ARF6: variants seen among roughly 807,000 people sequenced by gnomAD.
The protein encoded by ARF6 is ARF GTPase 6.
For synonymous variants in ARF6, 127 were observed against 95.5 expected, an observed-to-expected ratio of 1.33 and a Z score of -1.92; for missense variants, 75 against 232.0, an observed-to-expected ratio of 0.32 and a Z score of 4.40.
In ARF6 at chr14:49,894,343, C is replaced by T; in HGVS notation, c.*79C>T. On this transcript the variant is annotated 3_prime_UTR_variant, in exon 2 of 2. Coordinates refer to ENST00000298316, the MANE Select transcript of ARF6 (RefSeq NM_001663.4). Reference sequence around the variant, plus strand: ...GGATTATCGCCACCATCACCTCTTTCAATTGCCACTTTCTCTTCTTTTGAA... The same window carrying T: ...GGATTATCGCCACCATCACCTCTTTTAATTGCCACTTTCTCTTCTTTTGAA... 2 of 1,367,704 alleles carry T rather than the reference C, an allele frequency of 1.5e-6. No individual in the cohort carries two copies. The highest frequency in any genetic ancestry group is 9.8e-7 in the Non-Finnish European group (1 of 1,016,170). The allele number at this position is 1,367,704 out of a possible 1,614,324, so 84.7% of individuals were successfully genotyped here.
In ARF6 at chr14:49,894,050, G is replaced by A. The variant is rs61755568; in HGVS notation, c.314G>A (p.Arg105His). The A allele has an allele frequency of 6.2e-7, 1 of 1,614,204 alleles. No homozygotes were observed. The highest frequency in any genetic ancestry group is 8.5e-7 in the Non-Finnish European group (1 of 1,180,038). The part of the protein sequence containing the change: ...RIDEARQELH[R>H]IINDREMRDA... ...GATGAGGCTCGCCAGGAGCTGCACC[G>A]CATTATCAATGACCGGGAGATGAGG... is the stretch of plus-strand genomic sequence containing the variant. The change falls in exon 2 of 2, where the codon CGC becomes CAC. Residue 105 changes from arginine to histidine, a missense_variant. Transcript: ENST00000298316.
chr14:49,896,806 A>G lies in ARF6; in HGVS notation c.*2542A>G, dbSNP rs1287871235. The G allele has an allele frequency of 6.0e-6, 1 of 167,114 alleles. No homozygotes were observed. The highest frequency in any genetic ancestry group is 1.5e-5 in the Non-Finnish European group (1 of 68,102). 10.4% of individuals were successfully genotyped at this position (167,114 alleles called of 1,614,324 possible). On this transcript the variant is annotated 3_prime_UTR_variant, in exon 2 of 2. Coordinates refer to ENST00000298316, the MANE Select transcript of ARF6 (RefSeq NM_001663.4). ...ACTGGAGCAGGTAATTATAGCCTGCAGAAAAAATTATCTAAGAATTTTAAA... is the reference window on the plus strand; with the variant it reads ...ACTGGAGCAGGTAATTATAGCCTGCGGAAAAAATTATCTAAGAATTTTAAA...
Position 49,893,988 on chromosome 14 carries a change from C to T in ARF6, c.252C>T (p.Leu84=), listed in dbSNP as rs61755566. 3.7e-6 allele frequency: 6 copies of T among 1,614,106 alleles called. No individual in the cohort carries two copies. Among genetic ancestry groups the T allele is most frequent in the Non-Finnish European group, 5.1e-6 (6 of 1,180,058 alleles). Residue 84 remains leucine (L), a synonymous_variant, in exon 2 of 2, where the codon CTC becomes CTT. Transcript: ENST00000298316. Reference sequence around the variant, plus strand: ...ATTACTACACTGGGACCCAAGGTCTCATCTTCGTAGTGGACTGCGCCGACC... The same window carrying T: ...ATTACTACACTGGGACCCAAGGTCTTATCTTCGTAGTGGACTGCGCCGACC... ...WRHYYTGTQG[L]IFVVDCADRD...
rs35848359 is a variant in ARF6, at chr14:49,894,453, C to CTTTTTTTTTTTTTTTTTTTTTTTTTT, written c.*211_*212insTTTTTTTTTTTTTTTTTTTTTTTTTT. On this transcript the variant is annotated 3_prime_UTR_variant, in exon 2 of 2. Transcript: ENST00000298316. ...TTTTGTTTGTTTCCCTTTCTTTTTC[C>CTTTTTTTTTTTTTTTTTTTTTTTTTT]TTTTTTTTTTTTTTTTTTTTTTGTT... 2 of 226,488 alleles carry CTTTTTTTTTTTTTTTTTTTTTTTTTT rather than the reference C, an allele frequency of 8.8e-6. No individual in the cohort carries two copies. The highest frequency in any genetic ancestry group is 1.6e-5 in the Non-Finnish European group (2 of 125,912). 14.0% of individuals were successfully genotyped at this position (226,488 alleles called of 1,614,324 possible).
chr14:49,893,437 G>A lies in ARF6; in HGVS notation c.-300G>A. 1 of 241,920 alleles carries A rather than the reference G, an allele frequency of 4.1e-6. No homozygotes were observed. The highest frequency in any genetic ancestry group is 7.8e-6 in the Non-Finnish European group (1 of 127,970). The allele number at this position is 241,920 out of a possible 1,614,324, so 15.0% of individuals were successfully genotyped here. On this transcript the variant is annotated 5_prime_UTR_variant, in exon 2 of 2. Transcript: ENST00000298316. ...GAGCGGGAACCGCGGCGGCGCTCGC[G>A]CGGCGCCTGCGGGGGGAAGGGCAGT...
rs780937416 is a variant in ARF6 at position 49,893,608 on chromosome 14, C to G, written c.-129C>G. ...CTGGGCCTCTGCCCTTAGGAGGCAA[C>G]TCCCACGCAGGCCGCAAAGGCGCTC... On this transcript the variant is annotated 5_prime_UTR_variant, in exon 2 of 2. Transcript: ENST00000298316. The G allele has an allele frequency of 8.2e-7, 1 of 1,214,568 alleles. No individual in the cohort carries two copies. The highest frequency in any genetic ancestry group is 1.2e-6 in the Non-Finnish European group (1 of 862,682). The allele number at this position is 1,214,568 out of a possible 1,614,324, so 75.2% of individuals were successfully genotyped here. A position where few individuals can be genotyped will look rare whatever the true frequency, so the allele number is the denominator to read the frequency against.
chr14:49,896,685 C>A lies in ARF6; in HGVS notation c.*2421C>A, dbSNP rs1281986446. ...ATTTGAAATTTGGAAAACCCTAAAC[C>A]TTTTGGTAAGAAATTGTAATTTTCA... On this transcript the variant is annotated 3_prime_UTR_variant, in exon 2 of 2. Coordinates refer to ENST00000298316, the MANE Select transcript of ARF6 (RefSeq NM_001663.4). 1 of 166,864 alleles carries A rather than the reference C, an allele frequency of 6.0e-6. No homozygotes were observed. The highest frequency in any genetic ancestry group is 1.9e-4 in the East Asian group (1 of 5,200). 10.3% of individuals were successfully genotyped at this position (166,864 alleles called of 1,614,324 possible). A position where few individuals can be genotyped will look rare whatever the true frequency, so the allele number is the denominator to read the frequency against.
rs2139189991 is a variant in ARF6 at position 49,895,182 on chromosome 14, T to G, written c.*918T>G. 1.2e-5 allele frequency: 2 copies of G among 167,044 alleles called. No homozygotes were observed. Among genetic ancestry groups the G allele is most frequent in the South Asian group, 4.1e-4 (2 of 4,824 alleles). 10.3% of individuals were successfully genotyped at this position (167,044 alleles called of 1,614,324 possible). ...TTTCCAGAAATTGGAGCAATAATGG[T>G]GTTACCACACACAGATTAAATAATT... On this transcript the variant is annotated 3_prime_UTR_variant, in exon 2 of 2. Coordinates refer to ENST00000298316, the MANE Select transcript of ARF6 (RefSeq NM_001663.4).
chr14:49,894,355 T>C lies in ARF6; in HGVS notation c.*91T>C. 1.5e-6 allele frequency: 2 copies of C among 1,329,536 alleles called. No homozygotes were observed. Among genetic ancestry groups the C allele is most frequent in the Non-Finnish European group, 1.0e-6 (1 of 984,320 alleles). The allele number at this position is 1,329,536 out of a possible 1,614,324, so 82.4% of individuals were successfully genotyped here. A position where few individuals can be genotyped will look rare whatever the true frequency, so the allele number is the denominator to read the frequency against. ...CCATCACCTCTTTCAATTGCCACTT[T>C]CTCTTCTTTTGAATTTGAACTCTGG... On this transcript the variant is annotated 3_prime_UTR_variant, in exon 2 of 2. Transcript: ENST00000298316.
Position 49,894,391 on chromosome 14 carries a change from C to A in ARF6, c.*127C>A. ...GAATTTGAACTCTGGAGTTACTGTT[C>A]TACAGTTTGGCGGGGACGGGGCTTG... On this transcript the variant is annotated 3_prime_UTR_variant, in exon 2 of 2. Transcript: ENST00000298316. 4 of 1,019,134 alleles carry A rather than the reference C, an allele frequency of 3.9e-6. No homozygotes were observed. The highest frequency in any genetic ancestry group is 5.6e-6 in the Non-Finnish European group (4 of 718,372). The allele number at this position is 1,019,134 out of a possible 1,614,324, so 63.1% of individuals were successfully genotyped here.
rs1443308492 is a variant in ARF6, at chr14:49,893,696, C to T, written c.-41C>T. The stretch of plus-strand genomic sequence containing the variant: ...GGCGGCGTTGTTGGCTGAGGGGACC[C>T]GGGACACCTGAATGCCCCCGGCCCC... On this transcript the variant is annotated 5_prime_UTR_variant, in exon 2 of 2. Transcript: ENST00000298316. 2 of 1,591,876 alleles carry T rather than the reference C, an allele frequency of 1.3e-6. No individual in the cohort carries two copies. Among genetic ancestry groups the T allele is most frequent in the East Asian group, 2.2e-5 (1 of 44,478 alleles).
rs774810229 is a variant in ARF6 at position 49,894,270 on chromosome 14, A to T, written c.*6A>T. The T allele has an allele frequency of 5.0e-6, 8 of 1,597,546 alleles. No individual in the cohort carries two copies. In the East Asian group the frequency reaches 1.3e-4, roughly 27 times the overall value. ...CCTCTAACTACAAATCTTAATGAGC[A>T]TTCTCCACCCATCCCCTGGAAGGAG... On this transcript the variant is annotated 3_prime_UTR_variant, in exon 2 of 2. Coordinates refer to ENST00000298316, the MANE Select transcript of ARF6 (RefSeq NM_001663.4).
Position 49,894,452 on chromosome 14 carries a change from CCTTTTT to C in ARF6, c.*189_*194del. 2.6e-6 allele frequency: 1 copy of C among 391,926 alleles called. No homozygotes were observed. The highest frequency in any genetic ancestry group is 5.3e-5 in the South Asian group (1 of 18,890). The allele number at this position is 391,926 out of a possible 1,614,324, so 24.3% of individuals were successfully genotyped here. On this transcript the variant is annotated 3_prime_UTR_variant, in exon 2 of 2. Coordinates refer to ENST00000298316, the MANE Select transcript of ARF6 (RefSeq NM_001663.4). ...CTTTTGTTTGTTTCCCTTTCTTTTT[CCTTTTT>C]TTTTTTTTTTTTTTTTTGTTGGCTT...
chr14:49,893,404 A>G lies in ARF6; in HGVS notation c.-333A>G, dbSNP rs1005026477. 16 of 200,588 alleles carry G rather than the reference A, an allele frequency of 8.0e-5. No homozygotes were observed. The highest frequency in any genetic ancestry group is 2.0e-5 in the Non-Finnish European group (2 of 101,760). The allele number at this position is 200,588 out of a possible 1,614,324, so 12.4% of individuals were successfully genotyped here. A position where few individuals can be genotyped will look rare whatever the true frequency, so the allele number is the denominator to read the frequency against. ...TGCAGTCTCCCTCGCGGTGAGAGGA[A>G]GGCGGAGGAGCGGGAACCGCGGCGG... On this transcript the variant is annotated 5_prime_UTR_variant, in exon 2 of 2. Coordinates refer to ENST00000298316, the MANE Select transcript of ARF6 (RefSeq NM_001663.4).
rs1479102389 is a variant in ARF6 at position 49,894,585 on chromosome 14, G to A, written c.*321G>A. On this transcript the variant is annotated 3_prime_UTR_variant, in exon 2 of 2. Coordinates refer to ENST00000298316, the MANE Select transcript of ARF6 (RefSeq NM_001663.4). ...GGATGGGGGAAACACAGCAGTTCTTGGTAAAGTCCTTTGTAATAATAGTTT... is the reference window on the plus strand; with the variant it reads ...GGATGGGGGAAACACAGCAGTTCTTAGTAAAGTCCTTTGTAATAATAGTTT... 1 of 256,510 alleles carries A rather than the reference G, an allele frequency of 3.9e-6. No individual in the cohort carries two copies. The highest frequency in any genetic ancestry group is 8.0e-6 in the Non-Finnish European group (1 of 125,288). 15.9% of individuals were successfully genotyped at this position (256,510 alleles called of 1,614,324 possible). A position where few individuals can be genotyped will look rare whatever the true frequency, so the allele number is the denominator to read the frequency against.
Position 49,894,058 on chromosome 14 carries a change from A to G in ARF6, c.322A>G (p.Asn108Asp). The G allele has an allele frequency of 6.2e-7, 1 of 1,614,080 alleles. No individual in the cohort carries two copies. Among genetic ancestry groups the G allele is most frequent in the Non-Finnish European group, 8.5e-7 (1 of 1,180,006 alleles). ...EARQELHRII[N>D]DREMRDAIIL... ...TCGCCAGGAGCTGCACCGCATTATC[A>G]ATGACCGGGAGATGAGGGACGCCAT... Residue 108 changes from asparagine to aspartate, a missense_variant, in exon 2 of 2, where the codon AAT becomes GAT. Physicochemically the swap from Asn to Asp is conservative, Grantham distance 23. Transcript: ENST00000298316.
chr14:49,896,814 T>A lies in ARF6; in HGVS notation c.*2550T>A, dbSNP rs1375500070. 6.0e-6 allele frequency: 1 copy of A among 167,000 alleles called. No homozygotes were observed. Among genetic ancestry groups the A allele is most frequent in the Non-Finnish European group, 1.5e-5 (1 of 68,082 alleles). 10.3% of individuals were successfully genotyped at this position (167,000 alleles called of 1,614,324 possible). On this transcript the variant is annotated 3_prime_UTR_variant, in exon 2 of 2. Coordinates refer to ENST00000298316, the MANE Select transcript of ARF6 (RefSeq NM_001663.4). ...AGGTAATTATAGCCTGCAGAAAAAA[T>A]TATCTAAGAATTTTAAAAATAAGAT...
Position 49,893,448 on chromosome 14 carries a change from G to C in ARF6, c.-289G>C, listed in dbSNP as rs957421449. On this transcript the variant is annotated 5_prime_UTR_variant, in exon 2 of 2. Transcript: ENST00000298316. ...GCGGCGGCGCTCGCGCGGCGCCTGC[G>C]GGGGGAAGGGCAGTTCCGGGCCGGG... is the stretch of plus-strand genomic sequence containing the variant. The C allele has an allele frequency of 1.5e-5, 4 of 264,652 alleles. No homozygotes were observed. The highest frequency in any genetic ancestry group is 1.1e-4 in the South Asian group (1 of 9,056). The allele number at this position is 264,652 out of a possible 1,614,324, so 16.4% of individuals were successfully genotyped here. A position where few individuals can be genotyped will look rare whatever the true frequency, so the allele number is the denominator to read the frequency against.
Position 49,893,703 on chromosome 14 carries a change from C to T in ARF6, c.-34C>T, listed in dbSNP as rs201725640. 15 of 1,597,698 alleles carry T rather than the reference C, an allele frequency of 9.4e-6. 1 individual carries two copies. In the Admixed American group the frequency reaches 2.4e-4, roughly 25 times the overall value. ...TTGTTGGCTGAGGGGACCCGGGACA[C>T]CTGAATGCCCCCGGCCCCGGCTCCT... On this transcript the variant is annotated 5_prime_UTR_variant, in exon 2 of 2. Coordinates refer to ENST00000298316, the MANE Select transcript of ARF6 (RefSeq NM_001663.4).
Sources: allele counts gnomAD v4.1 joint callset, GRCh38; gene constraint gnomAD v4.1.1; transcripts MANE v1.5; gene names NCBI Gene and HGNC (gene_info 2026-07-23, HGNC 2026-07-21).